EFCAB5: variants seen among roughly 807,000 people sequenced by gnomAD.
EFCAB5 encodes the protein EF-hand calcium binding domain 5, also known as EF-hand calcium-binding domain-containing protein 5.
A neutral mutation model predicts 167.9 loss-of-function variants in EFCAB5; 131 were observed. That is an observed-to-expected ratio of 0.78 (90% confidence interval 0.68 to 0.90). The LOEUF is 0.90. Ranked by LOEUF, EFCAB5 falls within the 40% of genes least tolerant of loss-of-function variation. The pLI is 0.00. For synonymous variants in EFCAB5, 574 were observed against 602.8 expected, an observed-to-expected ratio of 0.95 and a Z score of 0.70; for missense variants, 1,663 against 1,745.2, an observed-to-expected ratio of 0.95 and a Z score of 0.84.
Position 30,104,087 on chromosome 17 carries a change from T to C in EFCAB5, c.4322-3747T>C, listed in dbSNP as rs201642022. ...GGACCTTCAGTTTATTGTGTGTGGC[T>C]GTCATGTTAAGGAGTGACTTGGGGT... On this transcript the variant is annotated intron_variant, in intron 22 of 22. Transcript: ENST00000394835. Among the ~76,000 whole-genome samples the C allele has an allele frequency of 1.4e-4, 21 of 152,304 alleles. 1 individual carries two copies. In the East Asian group the frequency reaches 2.1e-3, roughly 15 times the overall value.
At chr17:29,947,516 A>G (rs1002796015) in intron 3 of EFCAB5, among the ~76,000 whole-genome samples, 20 of 152,218 alleles carry the variant, frequency 1.3e-4, no homozygotes, top group Admixed American at 5.9e-4. Flanking sequence ...AGACTTCACC[A>G]CTATACAATT....
chr17:29,961,468 TTTTATC>T (rs2067719015), intron 3 of EFCAB5, among the ~76,000 whole-genome samples: 2 of 152,196 alleles, frequency 1.3e-5, no homozygotes, highest in Non-Finnish European at 2.9e-5. Context: ...TTAAAGTATA[TTTTATC>T]TTTTTTTGTT....
chr17:29,940,524 A>C (rs939212095), upstream of EFCAB5, among the ~76,000 whole-genome samples: 1 of 152,224 alleles, frequency 6.6e-6, no homozygotes, highest in African/African-American at 2.4e-5. Flanking sequence ...AATGGAAGGA[A>C]GCTTCTCAGC....
chr17:30,080,040 G>A, intron 15 of EFCAB5, 32 bp from the exon 16 acceptor site: 1 of 1,577,258 alleles, frequency 6.3e-7, no homozygotes, highest in Non-Finnish European at 8.6e-7. Context: ...TTGGCTGTTG[G>A]CAAACACATG....
upstream of EFCAB5, among the ~76,000 whole-genome samples, chr17:29,937,485 C>A (rs891431519): frequency 6.6e-6 from 1 of 152,196 alleles, no homozygotes; most frequent in Non-Finnish European, 1.5e-5. Context: ...CTGTGCCCAG[C>A]CTCACTCCTG....
intron 8 of EFCAB5, among the ~76,000 whole-genome samples, chr17:30,046,038 T>C (rs1262224100): frequency 2.0e-5 from 3 of 151,986 alleles, no homozygotes; most frequent in Non-Finnish European, 4.4e-5. Context: ...TGAAACCTTG[T>C]CTCAAAGAAA....
At chr17:30,107,012 A>C (rs1239204893) in intron 22 of EFCAB5, among the ~76,000 whole-genome samples, 1 of 152,220 alleles carries the variant, frequency 6.6e-6, no homozygotes, top group Non-Finnish European at 1.5e-5. Context: ...GTTAAGTGAC[A>C]AAACTCATTG....
chr17:29,965,463 A>G (rs752166573), intron 3 of EFCAB5, among the ~76,000 whole-genome samples: 8 of 152,188 alleles, frequency 5.3e-5, no homozygotes, highest in Non-Finnish European at 1.0e-4. Flanking sequence ...CATATGGTCT[A>G]TCCTGGAGAA....
chr17:30,016,528 T>C (rs1016657013), intron 7 of EFCAB5, among the ~76,000 whole-genome samples: 1 of 152,184 alleles, frequency 6.6e-6, no homozygotes, highest in Admixed American at 6.5e-5. Flanking sequence ...TAACTCATTA[T>C]ATGTGTATAT....
intron 8 of EFCAB5, among the ~76,000 whole-genome samples, chr17:30,048,136 G>C (rs1016173349): frequency 6.6e-6 from 1 of 152,082 alleles, no homozygotes; most frequent in African/African-American, 2.4e-5. Flanking sequence ...ATGCTATTTT[G>C]GTCAAAGTTT....
At chr17:30,097,058 ATATTTTT>A (rs1201391340) in intron 22 of EFCAB5, among the ~76,000 whole-genome samples, 1 of 63,370 alleles carries the variant, frequency 1.6e-5, no homozygotes, top group African/African-American at 1.0e-4. Context: ...ACATATATAT[ATATTTTT>A]TTTTTTTTGA....
chr17:29,997,558 A>G (rs1162338727), intron 6 of EFCAB5, among the ~76,000 whole-genome samples: 1 of 152,148 alleles, frequency 6.6e-6, no homozygotes, highest in Non-Finnish European at 1.5e-5. Flanking sequence ...GAAATGGTGA[A>G]CAACTCTTGG....
rs1259521640 is a variant in EFCAB5, at chr17:30,091,859, T to C, written c.3938-12T>C. ...CTGAACAGCAATGTGAGCTATCATT[T>C]TGTTATTCCAGAGATTGAAAATGTC... On this transcript the variant is annotated splice_polypyrimidine_tract_variant and intron_variant, in intron 20 of 22. Transcript: ENST00000394835. 6.2e-7 allele frequency: 1 copy of C among 1,611,974 alleles called. No homozygotes were observed. Among genetic ancestry groups the C allele is most frequent in the Non-Finnish European group, 8.5e-7 (1 of 1,178,484 alleles).
At chr17:30,013,055 C>T (rs998382508) in intron 7 of EFCAB5, among the ~76,000 whole-genome samples, 15 of 152,094 alleles carry the variant, frequency 9.9e-5, no homozygotes, top group Non-Finnish European at 1.5e-4. Context: ...CATCTATTGA[C>T]ATAATCATGT....
At chr17:29,947,172 C>CA (rs71278523) in intron 3 of EFCAB5, among the ~76,000 whole-genome samples, 266 of 66,464 alleles carry the variant, frequency 4.0e-3, no homozygotes, top group South Asian at 6.4e-3. Context: ...GACTCCATCT[C>CA]AAAAAAAAAA....
chr17:30,090,929 G>T (rs1244590334), intron 20 of EFCAB5, among the ~76,000 whole-genome samples: 2 of 152,182 alleles, frequency 1.3e-5, no homozygotes, highest in Non-Finnish European at 2.9e-5. Flanking sequence ...AGGCAAGCTA[G>T]AACTAGCATG....
intron 3 of EFCAB5, among the ~76,000 whole-genome samples, chr17:29,945,080 T>G (rs1757635699): frequency 6.6e-6 from 1 of 152,208 alleles, no homozygotes; most frequent in Non-Finnish European, 1.5e-5. Context: ...AGAGAAGACA[T>G]TCATCTCTTT....
intron 7 of EFCAB5, among the ~76,000 whole-genome samples, chr17:30,005,003 G>A (rs1247059158): frequency 6.6e-6 from 1 of 151,922 alleles, no homozygotes; most frequent in African/African-American, 2.4e-5. Context: ...TGTTGTTTAA[G>A]TCACCCAGTC....
chr17:30,073,557 C>A, intron 14 of EFCAB5: 1 of 601,428 alleles, frequency 1.7e-6, no homozygotes, highest in South Asian at 2.1e-5. Flanking sequence ...TTATAGAAAT[C>A]AATACATTTC....
Sources: gnomAD v4.1 joint callset for allele counts (sites outside exome capture counted in the v4.1 genomes callset) on GRCh38, gnomAD v4.1.1 for gene constraint, MANE v1.5 for transcripts, NCBI Gene and HGNC (gene_info 2026-07-23, HGNC 2026-07-21) for gene names.